The following C12orf42 variants were observed in gnomAD, a reference collection of about 807,000 sequenced individuals.
C12orf42 encodes the protein uncharacterized protein C12orf42.
A neutral mutation model predicts 21.6 loss-of-function variants in C12orf42; 25 were observed. The ratio of observed to expected loss-of-function variants is 1.16; its 90% CI spans 0.84 to 1.62. C12orf42 has a LOEUF of 1.62. C12orf42 is among the 40% of genes most tolerant of loss of function. C12orf42 has a pLI of 0.00. For missense variants in C12orf42, 483 were observed against 459.3 expected, an observed-to-expected ratio of 1.05 and a Z score of -0.47; for synonymous variants, 174 against 175.0, an observed-to-expected ratio of 0.99 and a Z score of 0.05.
intron 2 of C12orf42, among the ~76,000 whole-genome samples, chr12:103,407,659 T>C (rs1056793941): frequency 5.9e-5 from 9 of 152,200 alleles, no homozygotes; most frequent in African/African-American, 1.9e-4. Context: ...AGGCTATTAA[T>C]AGTTAAGTTT....
chr12:103,273,358 A>G (rs1215917044), intron 5 of C12orf42, among the ~76,000 whole-genome samples: 1 of 152,220 alleles, frequency 6.6e-6, no homozygotes, highest in Non-Finnish European at 1.5e-5. Flanking sequence ...TATACTATAT[A>G]ATTAAAACTG....
At chr12:103,156,898 A>T in the C12orf42 span, among the ~76,000 whole-genome samples, 2,290 of 152,176 alleles carry the variant, frequency 0.015, 50 homozygotes, top group African/African-American at 0.049. Flanking sequence ...GGTTGGTTCC[A>T]TGTCTTTGCT....
chr12:103,413,000 T>C (rs1200089729), intron 2 of C12orf42, among the ~76,000 whole-genome samples: 1 of 152,208 alleles, frequency 6.6e-6, no homozygotes, highest in East Asian at 1.9e-4. Context: ...TTGTTGCAAT[T>C]GCTTTTGGAA....
intron 2 of C12orf42, among the ~76,000 whole-genome samples, chr12:103,466,760 T>C (rs1953169048): frequency 6.6e-6 from 1 of 152,234 alleles, no homozygotes; most frequent in Non-Finnish European, 1.5e-5. Flanking sequence ...AATCTAGGCT[T>C]AGCCATGTTA....
intron 5 of C12orf42, among the ~76,000 whole-genome samples, chr12:103,275,687 T>A (rs1043527396): frequency 6.6e-6 from 1 of 150,636 alleles, no homozygotes; most frequent in African/African-American, 2.4e-5. Flanking sequence ...CCAAATACAA[T>A]ACTATCTTGC....
chr12:103,344,622 T>C (rs2042451897), intron 4 of C12orf42, among the ~76,000 whole-genome samples: 1 of 152,004 alleles, frequency 6.6e-6, no homozygotes, highest in Non-Finnish European at 1.5e-5. Flanking sequence ...ATTGATTGGA[T>C]CAATTAAACT....
the C12orf42 span, among the ~76,000 whole-genome samples, chr12:103,058,472 G>A: frequency 1.3e-5 from 2 of 152,122 alleles, no homozygotes; most frequent in African/African-American, 4.8e-5. Flanking sequence ...ACTCAGCTCT[G>A]GATCAAGTGG....
chr12:103,249,185 G>C (rs543787213), intron 10 of C12orf42, among the ~76,000 whole-genome samples: 1 of 152,084 alleles, frequency 6.6e-6, no homozygotes, highest in South Asian at 2.1e-4. Context: ...GTTTGGGGAG[G>C]CCAATCCAAG....
chr12:103,317,086 G>T (rs959639357), intron 4 of C12orf42, among the ~76,000 whole-genome samples: 4 of 152,126 alleles, frequency 2.6e-5, no homozygotes, highest in Non-Finnish European at 5.9e-5. Flanking sequence ...CCCCAAAATT[G>T]GTTGTGGCAT....
At chr12:103,555,392 CA>C in the C12orf42 span, among the ~76,000 whole-genome samples, 3 of 152,092 alleles carry the variant, frequency 2.0e-5, no homozygotes, top group Non-Finnish European at 4.4e-5. Context: ...ACGAGAACAG[CA>C]TGGGAAAGAC....
At chr12:103,195,169 AC>A in the C12orf42 span, among the ~76,000 whole-genome samples, 1 of 152,154 alleles carries the variant, frequency 6.6e-6, no homozygotes, top group African/African-American at 2.4e-5. Context: ...GTGCATATGT[AC>A]CACATTTTCT....
At chr12:103,532,294 T>C in the C12orf42 span, among the ~76,000 whole-genome samples, 1 of 152,238 alleles carries the variant, frequency 6.6e-6, no homozygotes, top group Non-Finnish European at 1.5e-5. Flanking sequence ...AAATAATATG[T>C]ATTAAAGATG....
At chr12:103,129,545 C>T in the C12orf42 span, among the ~76,000 whole-genome samples, 1 of 152,100 alleles carries the variant, frequency 6.6e-6, no homozygotes, top group Admixed American at 6.5e-5. Context: ...CTTTAACAAC[C>T]CTTCTTACAT....
At chr12:103,466,658 T>A (rs1193246641) in intron 2 of C12orf42, among the ~76,000 whole-genome samples, 5 of 152,198 alleles carry the variant, frequency 3.3e-5, no homozygotes, top group Admixed American at 3.3e-4. Context: ...TTACCCCATG[T>A]GGTACACTGA....
At chr12:103,233,432 A>T (rs1181171368), downstream of C12orf42, among the ~76,000 whole-genome samples, 1 of 152,232 alleles carries the variant, frequency 6.6e-6, no homozygotes, top group African/African-American at 2.4e-5. Flanking sequence ...CATCTTGACA[A>T]TATTGAGTCT....
chr12:103,217,530 C>CAAA, the C12orf42 span, among the ~76,000 whole-genome samples: 1 of 78,012 alleles, frequency 1.3e-5, no homozygotes, highest in African/African-American at 4.0e-5. Flanking sequence ...GACCCTGTCT[C>CAAA]AAAAAAAAAA....
intron 4 of C12orf42, among the ~76,000 whole-genome samples, chr12:103,333,978 G>A (rs181062950): frequency 5.3e-5 from 8 of 152,156 alleles, no homozygotes; most frequent in African/African-American, 9.7e-5. Flanking sequence ...AACTTCAAGC[G>A]CTGCTTCTTA....
intron 2 of C12orf42, among the ~76,000 whole-genome samples, chr12:103,425,335 G>A (rs1949717132): frequency 1.3e-5 from 2 of 152,212 alleles, no homozygotes; most frequent in Admixed American, 1.3e-4. Context: ...CTTGAGCTCT[G>A]CTAAGGGACA....
chr12:103,429,543 C>T (rs753530503), intron 2 of C12orf42, among the ~76,000 whole-genome samples: 1 of 152,160 alleles, frequency 6.6e-6, no homozygotes, highest in Non-Finnish European at 1.5e-5. Flanking sequence ...GGCCATATTG[C>T]CCAAAGTAAT....
Sources: allele counts gnomAD v4.1 joint callset (sites outside exome capture counted in the v4.1 genomes callset), GRCh38; gene constraint gnomAD v4.1.1; transcripts MANE v1.5; gene names NCBI Gene and HGNC (gene_info 2026-07-23, HGNC 2026-07-21).